MYO9B: variants seen among roughly 807,000 people sequenced by gnomAD.
The protein encoded by MYO9B is unconventional myosin-IXb.
MYO9B carries 71 observed loss-of-function variants against 229.5 expected under a neutral mutation model. The observed-to-expected ratio is 0.31, with a 90% CI of 0.26 to 0.38. The LOEUF is 0.38. Among genes scored for constraint, MYO9B ranks in the 10% least tolerant of loss-of-function variants. The pLI is 1.00. For missense variants in MYO9B, 2,255 were observed against 2,920.5 expected (o/e 0.77, Z 5.25); for synonymous variants, 1,185 against 1,235.8 (o/e 0.96, Z 0.86).
At chr19:17,080,753 C>G (rs2057526892) in intron 1 of MYO9B, among the ~76,000 whole-genome samples, 1 of 151,948 alleles carries the variant, frequency 6.6e-6, no homozygotes, top group South Asian at 2.1e-4. Flanking sequence ...CCTGTGGTCC[C>G]AGCACTTTAA....
At chr19:17,139,031 G>A (rs1471873468) in intron 2 of MYO9B, among the ~76,000 whole-genome samples, 1 of 152,110 alleles carries the variant, frequency 6.6e-6, no homozygotes, top group African/African-American at 2.4e-5. Flanking sequence ...GCAAAAATTA[G>A]TCGGGCATGG....
intron 4 of MYO9B, 59 bp downstream of exon 4, chr19:17,152,765 A>G: frequency 1.4e-6 from 2 of 1,441,712 alleles, no homozygotes; most frequent in Middle Eastern, 1.8e-4. Flanking sequence ...GTTTCCTCCT[A>G]CAGAGGAGAG....
At chr19:17,117,402 C>T (rs2057915422) in intron 2 of MYO9B, among the ~76,000 whole-genome samples, 2 of 152,292 alleles carry the variant, frequency 1.3e-5, no homozygotes, top group South Asian at 2.1e-4. Context: ...CCAGTCCCCT[C>T]GAGAACCCCA....
chr19:17,198,339 C>T, intron 24 of MYO9B, 31 bp downstream of exon 24: 2 of 1,610,600 alleles, frequency 1.2e-6, no homozygotes, highest in South Asian at 1.1e-5. Context: ...AAACTCAGGC[C>T]ACCAGAGGAT....
At chr19:17,081,718 A>G (rs2123431492) in intron 1 of MYO9B, among the ~76,000 whole-genome samples, 1 of 151,266 alleles carries the variant, frequency 6.6e-6, no homozygotes, top group Middle Eastern at 3.4e-3. Context: ...CTGAGGCAGA[A>G]GAATTGCTTG....
chr19:17,121,088 G>A (rs1450107028), intron 2 of MYO9B, among the ~76,000 whole-genome samples: 5 of 152,076 alleles, frequency 3.3e-5, no homozygotes, highest in Non-Finnish European at 5.9e-5. Context: ...GACTACAGGC[G>A]TGCACCACCA....
intron 2 of MYO9B, 54 bp from the exon 3 acceptor site, chr19:17,145,343 A>G (rs2072396180): frequency 1.3e-6 from 2 of 1,486,104 alleles, no homozygotes; most frequent in South Asian, 2.3e-5. Context: ...AGGAAAAAAA[A>G]GAAAAAGAAA....
chr19:17,080,968 ACAG>A (rs2057528709), intron 1 of MYO9B, among the ~76,000 whole-genome samples: 1 of 152,184 alleles, frequency 6.6e-6, no homozygotes, highest in East Asian at 1.9e-4. Context: ...AGTGGTGGAC[ACAG>A]CTCAGCCCAT....
At chr19:17,132,481 A>G (rs1490364670) in intron 2 of MYO9B, among the ~76,000 whole-genome samples, 2 of 145,488 alleles carry the variant, frequency 1.4e-5, no homozygotes, top group Non-Finnish European at 3.0e-5. Context: ...CGACAGTGCC[A>G]GGCCTTATTT....
chr19:17,206,817 T>G (rs1181211062), intron 34 of MYO9B, 33 bp downstream of exon 34: 1 of 1,504,964 alleles, frequency 6.6e-7, no homozygotes, highest in Non-Finnish European at 9.1e-7. Context: ...TCTGTGGGGT[T>G]AGGGTCGCAT....
At chr19:17,173,269 T>C (rs2072746026) in intron 13 of MYO9B, among the ~76,000 whole-genome samples, 1 of 151,452 alleles carries the variant, frequency 6.6e-6, no homozygotes, top group Non-Finnish European at 1.5e-5. Flanking sequence ...TTTTGCCTCT[T>C]GTTTCTCTCT....
chr19:17,168,492 T>A (rs1031599980), intron 11 of MYO9B, among the ~76,000 whole-genome samples: 1 of 152,154 alleles, frequency 6.6e-6, no homozygotes, highest in Non-Finnish European at 1.5e-5. Context: ...TGTCTGTTCA[T>A]TTCACTTGAC....
intron 2 of MYO9B, among the ~76,000 whole-genome samples, chr19:17,134,381 G>GTTTTTTTTTTTTTT (rs869297825): frequency 1.1e-4 from 5 of 46,478 alleles, no homozygotes; most frequent in African/African-American, 1.8e-4. Context: ...CGTTTTGTTT[G>GTTTTTTTTTTTTTT]TTTTTTTTTT....
At chr19:17,098,933 CAAA>C (rs1216087632) in intron 1 of MYO9B, among the ~76,000 whole-genome samples, 57 of 65,704 alleles carry the variant, frequency 8.7e-4, no homozygotes, top group African/African-American at 3.7e-3. Flanking sequence ...AAGACCCTGA[CAAA>C]AAAAAAAAAA....
chr19:17,156,775 T>G, intron 6 of MYO9B, 134 bp from the exon 7 acceptor site: 1 of 1,007,180 alleles, frequency 9.9e-7, no homozygotes, highest in South Asian at 1.6e-5. Flanking sequence ...AACAGAGGCC[T>G]TAGACATTTT....
intron 10 of MYO9B, among the ~76,000 whole-genome samples, chr19:17,164,304 A>G (rs555283913): frequency 6.6e-6 from 1 of 152,222 alleles, no homozygotes; most frequent in East Asian, 1.9e-4. Flanking sequence ...CCAAACAGAA[A>G]ATCTTTTTGT....
rs1229935618 is a variant in MYO9B at position 17,154,306 on chromosome 19, G to A, written c.1099-9G>A. The A allele has an allele frequency of 1.2e-6, 2 of 1,609,880 alleles. No individual in the cohort carries two copies. The highest frequency in any genetic ancestry group is 1.7e-4 in the Middle Eastern group (1 of 6,040). Reference sequence around the variant, plus strand: ...GAATGCCCAGAGTACCCATGCCTTTGTTTTCCAGCATAACTTGAAGATTGA... The same window carrying A: ...GAATGCCCAGAGTACCCATGCCTTTATTTTCCAGCATAACTTGAAGATTGA... On this transcript the variant is annotated splice_polypyrimidine_tract_variant and intron_variant, in intron 5 of 39. Transcript: ENST00000682292.
At position 17,203,273 on chromosome 19, in the gene MYO9B, C is replaced by G; in HGVS notation, c.4990+15C>G. 5 of 1,533,780 alleles carry G rather than the reference C, an allele frequency of 3.3e-6. No individual in the cohort carries two copies. Among genetic ancestry groups the G allele is most frequent in the Non-Finnish European group, 4.4e-6 (5 of 1,133,014 alleles). ...GCTCTGCAGCGGTGAGTGGCTCCCC[C>G]ACCAGGCCCCAAAACCCTCCATGTC... On this transcript the variant is annotated intron_variant, in intron 30 of 39. Coordinates refer to ENST00000682292, the MANE Select transcript of MYO9B (RefSeq NM_004145.4).
chr19:17,212,392 G>A lies in MYO9B; in HGVS notation c.*82G>A, dbSNP rs771908284. On this transcript the variant is annotated 3_prime_UTR_variant, in exon 40 of 40. Transcript: ENST00000682292. This position sits in a 1 kb window ranked among gnomAD's most constrained non-coding sequence, Gnocchi z 5.4. ...CGCCAGAGCTGCAGAGCTAGTGTTC[G>A]GCCCTCAGAGAAGGATCCAGAATCA... The A allele has an allele frequency of 7.0e-5, 96 of 1,372,188 alleles. No homozygotes were observed. The highest frequency in any genetic ancestry group is 8.7e-5 in the Non-Finnish European group (91 of 1,052,022). The allele number at this position is 1,372,188 out of a possible 1,614,324, so 85.0% of individuals were successfully genotyped here.
Sources: gnomAD v4.1 joint callset for allele counts (sites outside exome capture counted in the v4.1 genomes callset) on GRCh38, gnomAD v4.1.1 for gene constraint, Gnocchi (gnomAD v3.1) non-coding constraint, MANE v1.5 for transcripts, NCBI Gene and HGNC (gene_info 2026-07-23, HGNC 2026-07-21) for gene names.